TPCN2: variants seen among roughly 807,000 people sequenced by gnomAD.
TPCN2 encodes the protein two pore channel protein 2.
Under a neutral mutation model 111.4 loss-of-function variants are expected in TPCN2, and 92 were observed. The observed-to-expected ratio is 0.83, with a 90% CI of 0.70 to 0.98. TPCN2 has a LOEUF of 0.98. Among genes scored for constraint, TPCN2 ranks in the 50% least tolerant of loss-of-function variants. The pLI, the probability that TPCN2 is intolerant of heterozygous loss-of-function variation, is 0.00. For missense variants in TPCN2, 995 were observed against 980.1 expected, an observed-to-expected ratio of 1.02 and a Z score of -0.20; for synonymous variants, 405 against 414.5, an observed-to-expected ratio of 0.98 and a Z score of 0.28.
rs564409398 is a variant in TPCN2, at chr11:69,067,382, C to G, written c.727-121C>G. The G allele has an allele frequency of 3.4e-6, 3 of 882,530 alleles. No individual in the cohort carries two copies. The Admixed American group carries it at 5.6e-5, about 16-fold the overall frequency. The allele number at this position is 882,530 out of a possible 1,614,324, so 54.7% of individuals were successfully genotyped here. On this transcript the variant is annotated intron_variant, in intron 7 of 24. Coordinates refer to ENST00000294309, the MANE Select transcript of TPCN2 (RefSeq NM_139075.4). Reference sequence around the variant, plus strand: ...CCATGAGCTCAGCCTGCTGGGAGGCCACAGGGAGATGCAGGCTGGGCGGCG... The same window carrying G: ...CCATGAGCTCAGCCTGCTGGGAGGCGACAGGGAGATGCAGGCTGGGCGGCG...
intron 13 of TPCN2, among the ~76,000 whole-genome samples, chr11:69,077,964 T>G (rs938563915): frequency 1.3e-5 from 2 of 152,172 alleles, no homozygotes; most frequent in African/African-American, 4.8e-5. Flanking sequence ...TGTTGACCTC[T>G]TGCACACACA....
rs1025966767 is a variant in TPCN2, at chr11:69,053,886, A to T, written c.110-147A>T. The T allele has an allele frequency of 1.3e-4, 88 of 684,612 alleles. No homozygotes were observed. The African/African-American group carries it at 1.4e-3, about 11-fold the overall frequency. The allele number at this position is 684,612 out of a possible 1,614,324, so 42.4% of individuals were successfully genotyped here. A position where few individuals can be genotyped will look rare whatever the true frequency, so the allele number is the denominator to read the frequency against. On this transcript the variant is annotated intron_variant, in intron 1 of 24. Coordinates refer to ENST00000294309, the MANE Select transcript of TPCN2 (RefSeq NM_139075.4). ...TTTGGTCCCTGCCCTGGGCAGGTACATGCAGCCCCACTGCCGGGTGGAGTC... is the reference window on the plus strand; with the variant it reads ...TTTGGTCCCTGCCCTGGGCAGGTACTTGCAGCCCCACTGCCGGGTGGAGTC...
chr11:69,074,904 T>G (rs1190591277), intron 13 of TPCN2, among the ~76,000 whole-genome samples: 1 of 152,168 alleles, frequency 6.6e-6, no homozygotes, highest in Non-Finnish European at 1.5e-5. Context: ...CGTGGTTGAG[T>G]CCTGGTTGTC....
chr11:69,060,831 A>T (rs1854988174), intron 5 of TPCN2, among the ~76,000 whole-genome samples: 1 of 152,158 alleles, frequency 6.6e-6, no homozygotes, highest in Admixed American at 6.5e-5. Flanking sequence ...AGGCCCTAAG[A>T]CCAGAGTTTC....
chr11:69,055,709 T>G (rs559803481), intron 4 of TPCN2, among the ~76,000 whole-genome samples: 1 of 151,768 alleles, frequency 6.6e-6, no homozygotes, highest in Admixed American at 6.6e-5. Context: ...GAGCCCAGTG[T>G]GCCGTCAGCT....
Position 69,087,177 on chromosome 11 carries a change from C to T in TPCN2, c.2151C>T (p.Thr717=). The T allele has an allele frequency of 1.2e-6, 2 of 1,613,920 alleles. No individual in the cohort carries two copies. The highest frequency in any genetic ancestry group is 1.7e-6 in the Non-Finnish European group (2 of 1,179,872). ...LQPLAGTPEA[T]YQMTVELLFR... Reference sequence around the variant, plus strand: ...CCCTTGCTGGGACCCCAGAGGCCACCTACCAGATGACTGTGGAGCTCCTGT... The same window carrying T: ...CCCTTGCTGGGACCCCAGAGGCCACTTACCAGATGACTGTGGAGCTCCTGT... Residue 717 remains threonine (T), a synonymous_variant, in exon 24 of 25, where the codon ACC becomes ACT. Coordinates refer to ENST00000294309, the MANE Select transcript of TPCN2 (RefSeq NM_139075.4).
rs143330932 is a variant in TPCN2, at chr11:69,065,925, G to C, written c.727-1578G>C. On this transcript the variant is annotated intron_variant, in intron 7 of 24. Coordinates refer to ENST00000294309, the MANE Select transcript of TPCN2 (RefSeq NM_139075.4). ...CTGTGTCCCTGCAGAGCTGTGGCTT[G>C]GGCTGGGCAGGAGGTACGGGAAGTC... Among the ~76,000 whole-genome samples, 81 of 152,280 alleles carry C rather than the reference G, an allele frequency of 5.3e-4. 1 individual carries two copies. In the East Asian group the frequency reaches 0.015, roughly 27 times the overall value.
chr11:69,086,964 C>A, intron 23 of TPCN2, 148 bp from the exon 24 acceptor site: 1 of 656,038 alleles, frequency 1.5e-6, no homozygotes, highest in Non-Finnish European at 2.6e-6. Context: ...GAGCCAGCAG[C>A]CTCGTGGGGC....
intron 8 of TPCN2, among the ~76,000 whole-genome samples, chr11:69,069,788 G>A (rs10896413): frequency 0.42 from 43,031 of 102,702 alleles, 15,508 homozygotes; most frequent in Non-Finnish European, 0.51. Context: ...ACCGCACTGG[G>A]AGCAGGACCG....
chr11:69,076,105 T>C (rs1004646426), intron 13 of TPCN2, among the ~76,000 whole-genome samples: 3 of 152,152 alleles, frequency 2.0e-5, no homozygotes, highest in African/African-American at 7.2e-5. Flanking sequence ...GGAAACCATG[T>C]GGTGTCCTTG....
intron 8 of TPCN2, 84 bp from the exon 9 acceptor site, chr11:69,070,346 G>A (rs1855467194): frequency 8.5e-7 from 1 of 1,170,032 alleles, no homozygotes; most frequent in Non-Finnish European, 1.3e-6. Context: ...CCTTTCTATT[G>A]CAAAAGCAAA....
chr11:69,085,806 A>G (rs1275600522), intron 21 of TPCN2, 42 bp from the exon 22 acceptor site: 1 of 1,611,692 alleles, frequency 6.2e-7, no homozygotes, highest in Non-Finnish European at 8.5e-7. Context: ...TCCCCTCCCT[A>G]CCTCCTGGGC....
At position 69,087,914 on chromosome 11, in the gene TPCN2, G is replaced by A. The variant is rs767379456; in HGVS notation, c.2220G>A (p.Glu740=). 8 of 1,612,284 alleles carry A rather than the reference G, an allele frequency of 5.0e-6. No individual in the cohort carries two copies. Among genetic ancestry groups the A allele is most frequent in the African/African-American group, 1.3e-5 (1 of 74,894 alleles). ...AGCCCGGGGAGGATGAGCTCACAGA[G>A]AGGCTGAGCCAGCACCCGCACCTGT... ...LEEPGEDELT[E]RLSQHPHLWL... Residue 740 remains glutamate (E), a synonymous_variant, in exon 25 of 25, where the codon GAG becomes GAA. Coordinates refer to ENST00000294309, the MANE Select transcript of TPCN2 (RefSeq NM_139075.4).
At chr11:69,061,086 C>T (rs1855000094) in intron 5 of TPCN2, among the ~76,000 whole-genome samples, 1 of 152,230 alleles carries the variant, frequency 6.6e-6, no homozygotes, top group South Asian at 2.1e-4. Context: ...AGGCAGGTCT[C>T]TTGTCCTCTG....
At chr11:69,079,216 T>C in intron 16 of TPCN2, 196 bp downstream of exon 16, 1 of 680,744 alleles carries the variant, frequency 1.5e-6, no homozygotes, top group Non-Finnish European at 2.4e-6. Flanking sequence ...TTTAGGAGGC[T>C]GGGTTTCTAC....
chr11:69,072,538 A>G (rs1160074227), intron 11 of TPCN2, 89 bp from the exon 12 acceptor site: 1 of 1,372,154 alleles, frequency 7.3e-7, no homozygotes, highest in African/African-American at 1.4e-5. Context: ...GCAAAGCTCA[A>G]GCCAGACGCC....
chr11:69,079,625 C>T (rs980196855), intron 16 of TPCN2: 3 of 556,598 alleles, frequency 5.4e-6, no homozygotes, highest in African/African-American at 1.9e-5. Flanking sequence ...CTGTGCAGTC[C>T]CCCGATTCCT....
intron 1 of TPCN2, among the ~76,000 whole-genome samples, chr11:69,049,917 T>G (rs1337212816): frequency 6.6e-6 from 1 of 152,090 alleles, no homozygotes; most frequent in African/African-American, 2.4e-5. Flanking sequence ...AGAGAGGCCC[T>G]GAGACCTGCC....
intron 18 of TPCN2, 133 bp from the exon 19 acceptor site, chr11:69,083,812 T>G (rs1366475867): frequency 7.5e-6 from 5 of 664,602 alleles, no homozygotes; most frequent in Admixed American, 4.5e-5. Context: ...TGGGTCCAGG[T>G]GTGTGTGTGT....
Sources: gnomAD v4.1 joint callset for allele counts (sites outside exome capture counted in the v4.1 genomes callset) on GRCh38, gnomAD v4.1.1 for gene constraint, MANE v1.5 for transcripts, NCBI Gene and HGNC (gene_info 2026-07-23, HGNC 2026-07-21) for gene names.